ZDHHC1: variants seen among roughly 807,000 people sequenced by gnomAD.
The protein encoded by ZDHHC1 is palmitoyltransferase ZDHHC1.
Under a neutral mutation model 46.9 loss-of-function variants are expected in ZDHHC1, and 45 were observed. That is an observed-to-expected ratio of 0.96 (90% CI 0.76 to 1.23). The LOEUF is 1.23. Ranked by LOEUF, ZDHHC1 falls within the 50% of genes most tolerant of loss-of-function variation. The pLI is 0.00. For synonymous variants in ZDHHC1, 291 were observed against 286.0 expected (o/e 1.02, Z -0.18); for missense variants, 649 against 670.8 (o/e 0.97, Z 0.36).
At chr16:67,395,603 G>A (rs1209510482) in intron 8 of ZDHHC1, 37 bp from the exon 9 acceptor site, 1 of 1,544,546 alleles carries the variant, frequency 6.5e-7, no homozygotes, top group East Asian at 2.4e-5. Flanking sequence ...TGGGAGGCCA[G>A]GTGTGGCTCC....
At chr16:67,407,677 A>G in intron 2 of ZDHHC1, 90 bp downstream of exon 2, 2 of 775,538 alleles carry the variant, frequency 2.6e-6, no homozygotes, top group East Asian at 2.4e-5. Flanking sequence ...CCTCATTAGG[A>G]CAACTTTCCC....
In ZDHHC1 at chr16:67,395,226, G is replaced by C. The variant is rs368614406; in HGVS notation, c.1065C>G (p.Ser355=). The change falls in exon 10 of 12, where the codon TCC becomes TCG. Residue 355 remains serine, a synonymous_variant. Coordinates refer to ENST00000565726, the MANE Select transcript of ZDHHC1 (RefSeq NM_001323627.2). ...GGGGAGGCAGGGCGAGAGTGTCTGG[G>C]GAAGAGGGTGGTGGAGGTTCCGCTT... The part of the protein sequence containing the change: ...RGQAEPPPPS[S]PDTLALPPRI... 1.9e-6 allele frequency: 3 copies of C among 1,606,658 alleles called. No individual in the cohort carries two copies. The highest frequency in any genetic ancestry group is 1.3e-5 in the African/African-American group (1 of 74,828).
chr16:67,399,484 T>C (rs781604131), intron 4 of ZDHHC1, 28 bp from the exon 5 acceptor site: 1 of 1,583,686 alleles, frequency 6.3e-7, no homozygotes, highest in Non-Finnish European at 8.6e-7. Context: ...ACAGCGCGAT[T>C]GGCCGGCTCA....
At chr16:67,415,928 A>T (rs7206718) in intron 1 of ZDHHC1, among the ~76,000 whole-genome samples, 1 of 152,024 alleles carries the variant, frequency 6.6e-6, no homozygotes, top group African/African-American at 2.4e-5. Flanking sequence ...CTGGAGACAG[A>T]CCACGTCTGT....
intron 3 of ZDHHC1, among the ~76,000 whole-genome samples, chr16:67,402,593 G>A (rs368779818): frequency 5.9e-5 from 9 of 152,052 alleles, no homozygotes; most frequent in African/African-American, 1.9e-4. Context: ...AGAGTCCCTA[G>A]CACTGAAGAG....
intron 1 of ZDHHC1, among the ~76,000 whole-genome samples, chr16:67,412,066 T>C (rs1294606027): frequency 2.0e-5 from 3 of 151,538 alleles, no homozygotes. Flanking sequence ...TGAGCCGAGA[T>C]CGTGCCACTG....
At chr16:67,400,653 A>AC (rs1350278298) in intron 4 of ZDHHC1, among the ~76,000 whole-genome samples, 2 of 152,124 alleles carry the variant, frequency 1.3e-5, no homozygotes. Context: ...ACCCCTGCCC[A>AC]CCCCTATATG....
At chr16:67,415,614 G>A (rs1286078956) in intron 1 of ZDHHC1, among the ~76,000 whole-genome samples, 3 of 152,096 alleles carry the variant, frequency 2.0e-5, no homozygotes, top group Admixed American at 2.0e-4. Flanking sequence ...AAACTTAGCC[G>A]GGCGTGGCGG....
intron 10 of ZDHHC1, 37 bp from the exon 11 acceptor site, chr16:67,395,099 G>T: frequency 2.5e-6 from 4 of 1,613,176 alleles, no homozygotes; most frequent in South Asian, 1.1e-5. Flanking sequence ...GCCCCACATC[G>T]CCAAAAGAAG....
chr16:67,403,033 G>A (rs2040583256), intron 3 of ZDHHC1, among the ~76,000 whole-genome samples: 1 of 152,220 alleles, frequency 6.6e-6, no homozygotes, highest in Admixed American at 6.5e-5. Flanking sequence ...AAGGGGTCCA[G>A]AAGGCTTACC....
chr16:67,415,557 G>T (rs949023080), intron 1 of ZDHHC1, among the ~76,000 whole-genome samples: 2 of 152,126 alleles, frequency 1.3e-5, no homozygotes, highest in South Asian at 4.2e-4. Flanking sequence ...AGGAGTTCGA[G>T]AACAGCCTGG....
At chr16:67,396,066 A>G (rs1358328453) in intron 8 of ZDHHC1, 1 of 157,100 alleles carries the variant, frequency 6.4e-6, no homozygotes, top group Non-Finnish European at 1.4e-5. Flanking sequence ...GTAAATGCAC[A>G]TGCGGTGGTC....
Position 67,416,388 on chromosome 16 carries a change from TCCGGCTCC to T in ZDHHC1, c.-264_-257del. 1 of 168,270 alleles carries T rather than the reference TCCGGCTCC, an allele frequency of 5.9e-6. No individual in the cohort carries two copies. Among genetic ancestry groups the T allele is most frequent in the South Asian group, 5.5e-5 (1 of 18,264 alleles). The allele number at this position is 168,270 out of a possible 1,614,324, so 10.4% of individuals were successfully genotyped here. A position where few individuals can be genotyped will look rare whatever the true frequency, so the allele number is the denominator to read the frequency against. ...CTCGAGCTCTGGCTCTGGCTCCGGCTCCGGCTCCGGCTCCGGCTCCGGCTCCGGCTCCA... is the reference window on the plus strand; with the variant it reads ...CTCGAGCTCTGGCTCTGGCTCCGGCTGGCTCCGGCTCCGGCTCCGGCTCCA... On this transcript the variant is annotated 5_prime_UTR_variant, in exon 1 of 12. Coordinates refer to ENST00000565726, the MANE Select transcript of ZDHHC1 (RefSeq NM_001323627.2).
chr16:67,401,323 G>A lies in ZDHHC1; in HGVS notation c.253-191C>T, dbSNP rs567185836. ...CCAGGTAACCCCTATGCCCCAAATGGAAAGAGGGAGAGGCCATCTAGGAAA... is the reference window on the plus strand; with the variant it reads ...CCAGGTAACCCCTATGCCCCAAATGAAAAGAGGGAGAGGCCATCTAGGAAA... On this transcript the variant is annotated intron_variant, in intron 3 of 11. Transcript: ENST00000565726. The surrounding 1 kb of genome is among the most constrained non-coding windows in gnomAD (Gnocchi z 4.6). 6.6e-6 allele frequency among the ~76,000 whole-genome samples: 1 copy of A among 152,192 alleles called. No individual in the cohort carries two copies. The highest frequency in any genetic ancestry group is 2.4e-5 in the African/African-American group (1 of 41,454).
intron 8 of ZDHHC1, 152 bp downstream of exon 8, chr16:67,398,060 G>A (rs954106980): frequency 6.6e-5 from 49 of 740,032 alleles, no homozygotes; most frequent in East Asian, 1.6e-4. Context: ...ACGCTTGGGC[G>A]AGCAGGCACA....
In ZDHHC1 at chr16:67,394,324, CTATA is replaced by C. The variant is rs2040371132; in HGVS notation, c.*282_*285del. On this transcript the variant is annotated 3_prime_UTR_variant, in exon 12 of 12. Coordinates refer to ENST00000565726, the MANE Select transcript of ZDHHC1 (RefSeq NM_001323627.2). ...ACAGGGCAGCCTGGGTGGCTACCTA[CTATA>C]CAGGGACCTCCTCCCCGCCCCCGGT... 1 of 163,336 alleles carries C rather than the reference CTATA, an allele frequency of 6.1e-6. No individual in the cohort carries two copies. Among genetic ancestry groups the C allele is most frequent in the African/African-American group, 2.4e-5 (1 of 41,924 alleles). 10.1% of individuals were successfully genotyped at this position (163,336 alleles called of 1,614,324 possible).
rs11642680 is a variant in ZDHHC1, at chr16:67,401,498, A to C, written c.253-366T>G. 0.018 allele frequency among the ~76,000 whole-genome samples: 2,680 copies of C among 152,238 alleles called. 25 individuals are homozygous for C. Among genetic ancestry groups the C allele is most frequent in the Non-Finnish European group, 0.025 (1,707 of 68,008 alleles). On this transcript the variant is annotated intron_variant, in intron 3 of 11. Transcript: ENST00000565726. The surrounding 1 kb of genome is among the most constrained non-coding windows in gnomAD (Gnocchi z 4.6). ...TTCAGATTCCAAATGGTGATGTGAGACTGAAAGAGATCAACCCCACCTAAG... is the reference window on the plus strand; with the variant it reads ...TTCAGATTCCAAATGGTGATGTGAGCCTGAAAGAGATCAACCCCACCTAAG...
chr16:67,415,585 C>T (rs563297145), intron 1 of ZDHHC1, among the ~76,000 whole-genome samples: 1 of 152,104 alleles, frequency 6.6e-6, no homozygotes, highest in African/African-American at 2.4e-5. Context: ...GGTGAAACCC[C>T]GTCCCTACTA....
At position 67,395,227 on chromosome 16, in the gene ZDHHC1, G is replaced by T; in HGVS notation, c.1064C>A (p.Ser355Tyr). Residue 355 changes from serine (S) to tyrosine (Y), a missense_variant, in exon 10 of 12, where the codon TCC (serine) becomes TAC (tyrosine). Coordinates refer to ENST00000565726, the MANE Select transcript of ZDHHC1 (RefSeq NM_001323627.2). ...GGGAGGCAGGGCGAGAGTGTCTGGG[G>T]AAGAGGGTGGTGGAGGTTCCGCTTG... The part of the protein sequence containing the change: ...RGQAEPPPPS[S>Y]PDTLALPPRI... 6.2e-7 allele frequency: 1 copy of T among 1,606,848 alleles called. No individual in the cohort carries two copies.
Sources: gnomAD v4.1 joint callset for allele counts (sites outside exome capture counted in the v4.1 genomes callset) on GRCh38, gnomAD v4.1.1 for gene constraint, Gnocchi (gnomAD v3.1) non-coding constraint, MANE v1.5 for transcripts, NCBI Gene and HGNC (gene_info 2026-07-23, HGNC 2026-07-21) for gene names.